Variants in PTPRN2 observed in about 807,000 individuals in gnomAD.
PTPRN2 encodes protein tyrosine phosphatase receptor type N2, also known as receptor-type tyrosine-protein phosphatase N2.
In PTPRN2, 74 loss-of-function variants were observed where a neutral mutation model predicts 118.8. The ratio of observed to expected loss-of-function variants is 0.62; its 90% CI spans 0.52 to 0.76. The LOEUF (loss-of-function observed/expected upper bound fraction) is 0.76, where lower values mean the gene tolerates loss of function less well. Ranked by LOEUF, PTPRN2 falls within the 30% of genes least tolerant of loss-of-function variation. The pLI is 0.00. For missense variants in PTPRN2, 1,481 were observed against 1,394.4 expected (o/e 1.06, Z -0.99); for synonymous variants, 641 against 608.0 (o/e 1.05, Z -0.80).
intron 11 of PTPRN2, among the ~76,000 whole-genome samples, chr7:158,065,191 A>G (rs546572771): frequency 1.3e-5 from 2 of 152,332 alleles, no homozygotes; most frequent in Admixed American, 1.3e-4. Context: ...CATGCAGTTC[A>G]CCAGGAACAC....
intron 4 of PTPRN2, among the ~76,000 whole-genome samples, chr7:158,195,969 CTT>C (rs550182464): frequency 1.4e-4 from 21 of 152,300 alleles, no homozygotes; most frequent in Non-Finnish European, 2.5e-4. Context: ...TCGGTTCTTA[CTT>C]TTAAGTCTTG....
At chr7:158,018,202 C>T (rs898335677) in intron 11 of PTPRN2, among the ~76,000 whole-genome samples, 2 of 152,176 alleles carry the variant, frequency 1.3e-5, no homozygotes, top group African/African-American at 2.4e-5. Flanking sequence ...AGGCCACATG[C>T]GCTGCTGAAG....
At chr7:158,486,263 G>A (rs746542245) in intron 2 of PTPRN2, among the ~76,000 whole-genome samples, 3 of 152,238 alleles carry the variant, frequency 2.0e-5, no homozygotes, top group Admixed American at 6.5e-5. Context: ...CCAGCAGGGC[G>A]TGAAAGCGAC....
At chr7:158,175,153 G>T (rs1217634958) in intron 5 of PTPRN2, among the ~76,000 whole-genome samples, 1 of 152,162 alleles carries the variant, frequency 6.6e-6, no homozygotes, top group African/African-American at 2.4e-5. Context: ...GCCCAAGTTG[G>T]GACATCTTTT....
rs954029197 is a variant in PTPRN2, at chr7:158,438,938, A to G, written c.163+50797T>C. Among the ~76,000 whole-genome samples the G allele has an allele frequency of 6.6e-6, 1 of 152,010 alleles. No homozygotes were observed. The highest frequency in any genetic ancestry group is 6.6e-5 in the Admixed American group (1 of 15,258). ...CCTGCCTCCCATTCTGTTCAAAGTC[A>G]CCCCTCTGAGGCTGCCCTGAGACAA... On this transcript the variant is annotated intron_variant, in intron 2 of 22. Transcript: ENST00000389418. This position sits in a 1 kb window ranked among gnomAD's most constrained non-coding sequence, Gnocchi z 4.7.
At chr7:158,072,201 C>T (rs1811995556) in intron 11 of PTPRN2, among the ~76,000 whole-genome samples, 1 of 151,968 alleles carries the variant, frequency 6.6e-6, no homozygotes, top group South Asian at 2.1e-4. Context: ...CCCACTCATC[C>T]TCACCCAAGG....
chr7:158,340,094 C>G (rs1294815482), intron 2 of PTPRN2, among the ~76,000 whole-genome samples: 2 of 70,898 alleles, frequency 2.8e-5, no homozygotes, highest in Non-Finnish European at 6.0e-5. Flanking sequence ...GCAGACGTCA[C>G]TCACACCCAC....
intron 11 of PTPRN2, among the ~76,000 whole-genome samples, chr7:158,023,726 T>A (rs945876818): frequency 6.6e-6 from 1 of 152,174 alleles, no homozygotes; most frequent in African/African-American, 2.4e-5. Flanking sequence ...CATGCCCAGT[T>A]TGTCATCTCC....
intron 6 of PTPRN2, among the ~76,000 whole-genome samples, chr7:158,150,665 A>AG (rs1419676180): frequency 6.6e-6 from 1 of 151,814 alleles, no homozygotes; most frequent in Non-Finnish European, 1.5e-5. Flanking sequence ...AACATAACCC[A>AG]GGGGGGTCAC....
intron 2 of PTPRN2, among the ~76,000 whole-genome samples, chr7:158,387,110 G>A (rs542840140): frequency 1.3e-5 from 2 of 152,306 alleles, no homozygotes; most frequent in South Asian, 4.1e-4. Flanking sequence ...TGCCTCTGAG[G>A]CCAAACCGGG....
At chr7:157,920,000 G>T (rs1190062457) in intron 11 of PTPRN2, among the ~76,000 whole-genome samples, 1 of 152,208 alleles carries the variant, frequency 6.6e-6, no homozygotes, top group Non-Finnish European at 1.5e-5. Flanking sequence ...GTGCAGGTTT[G>T]TAGCCTAGCA....
At chr7:158,489,570 C>T (rs900561181) in intron 2 of PTPRN2, among the ~76,000 whole-genome samples, 165 bp downstream of exon 2, 1 of 152,208 alleles carries the variant, frequency 6.6e-6, no homozygotes, top group Non-Finnish European at 1.5e-5. Context: ...CCCCACCCAC[C>T]GAGGCCGCAG....
chr7:158,418,186 C>T (rs956949705), intron 2 of PTPRN2, among the ~76,000 whole-genome samples: 6 of 137,114 alleles, frequency 4.4e-5, no homozygotes, highest in Admixed American at 7.4e-5. Context: ...TCTAGCTCTC[C>T]GTGTCCTGCT....
chr7:157,772,354 C>G (rs918527612), intron 12 of PTPRN2, among the ~76,000 whole-genome samples: 1 of 151,834 alleles, frequency 6.6e-6, no homozygotes, highest in Non-Finnish European at 1.5e-5. Flanking sequence ...TACACACACA[C>G]ACATACACAC....
intron 11 of PTPRN2, among the ~76,000 whole-genome samples, chr7:158,065,895 A>T (rs1223853330): frequency 6.6e-6 from 1 of 152,180 alleles, no homozygotes; most frequent in Non-Finnish European, 1.5e-5. Flanking sequence ...TTATGTGGCC[A>T]TTCAATTCTT....
intron 11 of PTPRN2, among the ~76,000 whole-genome samples, chr7:158,058,693 G>A (rs1334257810): frequency 7.9e-5 from 6 of 76,322 alleles, no homozygotes; most frequent in African/African-American, 1.3e-4. Context: ...ATCTGCCCAC[G>A]GTGACACATC....
At chr7:158,217,665 A>G (rs1258703484) in intron 3 of PTPRN2, among the ~76,000 whole-genome samples, 1 of 152,244 alleles carries the variant, frequency 6.6e-6, no homozygotes, top group Non-Finnish European at 1.5e-5. Flanking sequence ...AGGAAGCTCA[A>G]TGAGATACAG....
chr7:158,170,826 C>T (rs1823474069), intron 5 of PTPRN2, among the ~76,000 whole-genome samples: 1 of 152,112 alleles, frequency 6.6e-6, no homozygotes, highest in Admixed American at 6.5e-5. Flanking sequence ...ACCACCAATG[C>T]TACGAGCTTA....
At chr7:158,262,600 T>TGCA (rs1797527821) in intron 3 of PTPRN2, among the ~76,000 whole-genome samples, 1 of 118,926 alleles carries the variant, frequency 8.4e-6, no homozygotes, top group African/African-American at 3.4e-5. Flanking sequence ...TCACACACAT[T>TGCA]CACACACACT....
Sources: allele counts gnomAD v4.1 joint callset (sites outside exome capture counted in the v4.1 genomes callset), GRCh38; gene constraint gnomAD v4.1.1; non-coding constraint Gnocchi (gnomAD v3.1); transcripts MANE v1.5; gene names NCBI Gene and HGNC (gene_info 2026-07-23, HGNC 2026-07-21).